The following LRRK2 variants were observed in gnomAD, a reference collection of about 807,000 sequenced individuals.
LRRK2 encodes leucine rich repeat kinase 2.
In LRRK2, 203 loss-of-function variants were observed where a neutral mutation model predicts 302.6. The ratio of observed to expected loss-of-function variants is 0.67; its 90% CI spans 0.60 to 0.75. The LOEUF (loss-of-function observed/expected upper bound fraction) is 0.75. LRRK2 is among the 30% of genes least tolerant of loss of function. The probability of loss-of-function intolerance (pLI) is 0.00; values close to 1 mark genes in which losing one functional copy is unlikely to be tolerated. For missense variants in LRRK2, 2,830 were observed against 2,951.0 expected (o/e 0.96, Z 0.95); for synonymous variants, 1,066 against 1,031.9 (o/e 1.03, Z -0.63).
At chr12:40,333,642 G>A (rs1945781419) in intron 39 of LRRK2, among the ~76,000 whole-genome samples, 1 of 151,186 alleles carries the variant, frequency 6.6e-6, no homozygotes, top group African/African-American at 2.4e-5. Flanking sequence ...CCTTACTAAG[G>A]CAATCCCTCT....
intron 14 of LRRK2, among the ~76,000 whole-genome samples, chr12:40,267,139 A>C (rs148006441): frequency 1.3e-5 from 2 of 152,326 alleles, no homozygotes; most frequent in Middle Eastern, 3.4e-3. Flanking sequence ...ATAATTAAAA[A>C]AAAATGTGCA....
At chr12:40,340,168 A>T in intron 40 of LRRK2, 126 bp from the exon 41 acceptor site, 1 of 891,596 alleles carries the variant, frequency 1.1e-6, no homozygotes, top group Non-Finnish European at 1.8e-6. Context: ...CTTAACTTTA[A>T]GGGACAAAGT....
Position 40,263,821 on chromosome 12 carries a change from T to C in LRRK2, c.1576T>C (p.Phe526Leu). Residue 526 changes from phenylalanine (F) to leucine (L), a missense_variant, in exon 14 of 51, where the codon TTT becomes CTT. Phe to Leu is a conservative substitution (Grantham distance 22, BLOSUM62 0). Coordinates refer to ENST00000298910, the MANE Select transcript of LRRK2 (RefSeq NM_198578.4). ...AGAAGAATCCAGGGAGGATACAGAA[T>C]TTCATCATAAGCTAAATATGGTTAA... ...MPEESREDTE[F>L]HHKLNMVKKQ... 1.9e-6 allele frequency: 3 copies of C among 1,613,254 alleles called. No individual in the cohort carries two copies. Among genetic ancestry groups the C allele is most frequent in the Non-Finnish European group, 2.5e-6 (3 of 1,179,464 alleles).
intron 26 of LRRK2, 140 bp downstream of exon 26, chr12:40,303,022 TC>T: frequency 1.6e-6 from 1 of 639,880 alleles, no homozygotes. Flanking sequence ...TGAATGATTT[TC>T]ACTAGATAAA....
intron 41 of LRRK2, among the ~76,000 whole-genome samples, chr12:40,344,224 CT>C (rs1180355607): frequency 1.5e-4 from 23 of 152,270 alleles, no homozygotes; most frequent in Non-Finnish European, 2.6e-4. Context: ...CCCCTAGAGT[CT>C]TTTCCTGCTT....
intron 40 of LRRK2, among the ~76,000 whole-genome samples, chr12:40,339,583 T>C (rs939933647): frequency 2.0e-5 from 3 of 152,194 alleles, no homozygotes; most frequent in Non-Finnish European, 4.4e-5. Flanking sequence ...TTACCCGTCA[T>C]CTTTTCCAAG....
Position 40,344,689 on chromosome 12 carries a change from A to C in LRRK2, c.6110-2064A>C, listed in dbSNP as rs181779735. 3.5e-4 allele frequency among the ~76,000 whole-genome samples: 54 copies of C among 152,268 alleles called. No homozygotes were observed. The East Asian group carries it at 9.6e-3, about 27-fold the overall frequency. On this transcript the variant is annotated intron_variant, in intron 41 of 50. Transcript: ENST00000298910. Reference sequence around the variant, plus strand: ...TTTGTTTACATTATGTCACAGGTGCACTTTATTAGGGATATGTTTTATCTT... The same window carrying C: ...TTTGTTTACATTATGTCACAGGTGCCCTTTATTAGGGATATGTTTTATCTT...
At chr12:40,361,132 A>AT (rs910566534) in intron 47 of LRRK2, among the ~76,000 whole-genome samples, 314 of 150,184 alleles carry the variant, frequency 2.1e-3, no homozygotes, top group African/African-American at 7.3e-3. Context: ...TGGGGATCAG[A>AT]TTTTTTTTTT....
Position 40,340,376 on chromosome 12 carries a change from A to G in LRRK2, c.6031A>G (p.Ile2011Val). The change falls in exon 41 of 51, where the codon ATC becomes GTC. Residue 2011 changes from isoleucine (I) to valine (V), a missense_variant. Coordinates refer to ENST00000298910, the MANE Select transcript of LRRK2 (RefSeq NM_198578.4). ...LLFTLYPNAA[I>V]IAKIADYGIA... ...TTTCACACTGTATCCCAATGCTGCCATCATTGCAAAGATTGCTGACTACGG... is the reference window on the plus strand; with the variant it reads ...TTTCACACTGTATCCCAATGCTGCCGTCATTGCAAAGATTGCTGACTACGG... The G allele has an allele frequency of 3.1e-6, 5 of 1,613,938 alleles. No homozygotes were observed. The highest frequency in any genetic ancestry group is 4.2e-6 in the Non-Finnish European group (5 of 1,179,882).
chr12:40,225,275 C>T lies in LRRK2; in HGVS notation c.144C>T (p.Ser48=). Residue 48 remains serine (S), a synonymous_variant, in exon 1 of 51, where the codon TCC becomes TCT. Transcript: ENST00000298910. ...AGGATCTGCTGGTGTTCACGTACTC[C>T]GAGCGCGGTAATCACTTGAAAATAA... The part of the protein sequence containing the change: ...ILEDLLVFTY[S]ERASKLFQGK... The T allele has an allele frequency of 1.9e-6, 3 of 1,614,106 alleles. No individual in the cohort carries two copies. The highest frequency in any genetic ancestry group is 2.2e-5 in the East Asian group (1 of 44,870).
chr12:40,323,393 C>G, intron 38 of LRRK2, 87 bp downstream of exon 38: 3 of 1,156,936 alleles, frequency 2.6e-6, no homozygotes, highest in Non-Finnish European at 3.7e-6. Context: ...ATTATATTGT[C>G]ATAGATTTTA....
In LRRK2 at chr12:40,363,512, C is replaced by T; in HGVS notation, c.7139C>T (p.Thr2380Ile). Residue 2380 changes from threonine (T) to isoleucine (I), a missense_variant, in exon 48 of 51, where the codon ACT (threonine) becomes ATT (isoleucine). This residue lies in a region of LRRK2 where 456 missense variants were observed against 456.3 expected (regional missense o/e 1.00). Transcript: ENST00000298910. ...GTTGTGGAAGTGTGGGATAAGAAAA[C>T]TGAAAAACTCTGTGGACTAATAGAC... The part of the protein sequence containing the change: ...SPVVEVWDKK[T>I]EKLCGLIDCV... 6.2e-7 allele frequency: 1 copy of T among 1,611,888 alleles called. No individual in the cohort carries two copies. Among genetic ancestry groups the T allele is most frequent in the Non-Finnish European group, 8.5e-7 (1 of 1,178,646 alleles).
intron 8 of LRRK2, 23 bp from the exon 9 acceptor site, chr12:40,251,209 T>C: frequency 7.0e-7 from 1 of 1,425,982 alleles, no homozygotes; most frequent in East Asian, 2.5e-5. Context: ...AATGTTTTTA[T>C]ATATTTTTCA....
At chr12:40,326,332 T>TG (rs1285605230) in intron 38 of LRRK2, among the ~76,000 whole-genome samples, 5 of 151,394 alleles carry the variant, frequency 3.3e-5, no homozygotes, top group African/African-American at 9.7e-5. Flanking sequence ...GGCGTGGTGG[T>TG]GTGGGCGGCT....
Position 40,283,404 on chromosome 12 carries a change from G to A in LRRK2, c.2242-471G>A, listed in dbSNP as rs149071657. Among the ~76,000 whole-genome samples, 66 of 152,314 alleles carry A rather than the reference G, an allele frequency of 4.3e-4. No homozygotes were observed. The East Asian group carries it at 0.012, about 28-fold the overall frequency. On this transcript the variant is annotated intron_variant, in intron 18 of 50. Transcript: ENST00000298910. The stretch of plus-strand genomic sequence containing the variant: ...AAGCTAGACACGAGTAATGACTGTC[G>A]TTTGTGTGTGGCATTAATAAATTTT...
At chr12:40,285,878 G>A (rs1462567416) in intron 19 of LRRK2, among the ~76,000 whole-genome samples, 3 of 152,018 alleles carry the variant, frequency 2.0e-5, no homozygotes, top group Non-Finnish European at 2.9e-5. Flanking sequence ...GAATATGATA[G>A]TTATAAAAGT....
At chr12:40,281,505 T>G (rs1943695841) in intron 18 of LRRK2, among the ~76,000 whole-genome samples, 1 of 152,248 alleles carries the variant, frequency 6.6e-6, no homozygotes, top group Non-Finnish European at 1.5e-5. Context: ...ATTATGCTTT[T>G]GATAATCTTT....
intron 20 of LRRK2, among the ~76,000 whole-genome samples, chr12:40,289,923 T>C (rs902993951): frequency 1.3e-5 from 2 of 151,956 alleles, no homozygotes; most frequent in Admixed American, 6.6e-5. Context: ...ATGTCTTCTT[T>C]TTTTTTCTTG....
intron 41 of LRRK2, among the ~76,000 whole-genome samples, chr12:40,342,375 G>C (rs1418046994): frequency 1.3e-5 from 2 of 151,910 alleles, no homozygotes; most frequent in African/African-American, 4.8e-5. Context: ...CTCCAATATT[G>C]AATGGTGGTA....
Sources: allele counts gnomAD v4.1 joint callset (sites outside exome capture counted in the v4.1 genomes callset), GRCh38; gene constraint gnomAD v4.1.1; regional missense constraint gnomAD v4.1.1; transcripts MANE v1.5; gene names NCBI Gene and HGNC (gene_info 2026-07-23, HGNC 2026-07-21).